The following FNDC3A variants were observed in gnomAD, a reference collection of about 807,000 sequenced individuals.
The protein encoded by FNDC3A is fibronectin type-III domain-containing protein 3A.
FNDC3A carries 32 observed loss-of-function variants against 148.9 expected under a neutral mutation model. The observed-to-expected ratio is 0.21, with a 90% CI of 0.16 to 0.29. The LOEUF is 0.29. Ranked by LOEUF, FNDC3A falls within the 10% of genes least tolerant of loss-of-function variation. FNDC3A has a pLI of 1.00. For missense variants in FNDC3A, 1,191 were observed against 1,452.8 expected, an observed-to-expected ratio of 0.82 and a Z score of 2.93; for synonymous variants, 472 against 473.6, an observed-to-expected ratio of 1.00 and a Z score of 0.04.
chr13:49,180,116 C>A (rs1885230123), intron 14 of FNDC3A, among the ~76,000 whole-genome samples: 1 of 152,136 alleles, frequency 6.6e-6, no homozygotes, highest in Non-Finnish European at 1.5e-5. Context: ...ACACCAGATA[C>A]CTTCAATTCT....
At chr13:49,161,107 G>T (rs1219291464) in intron 8 of FNDC3A, among the ~76,000 whole-genome samples, 2 of 152,208 alleles carry the variant, frequency 1.3e-5, no homozygotes, top group African/African-American at 4.8e-5. Context: ...TTGATTTGGG[G>T]TGGAGAGTTC....
At chr13:49,141,247 G>A (rs1411909663) in intron 7 of FNDC3A, among the ~76,000 whole-genome samples, 1 of 152,176 alleles carries the variant, frequency 6.6e-6, no homozygotes, top group Non-Finnish European at 1.5e-5. Context: ...TATTGAAAGT[G>A]TTGTCTTTTC....
intron 15 of FNDC3A, 84 bp from the exon 16 acceptor site, chr13:49,187,038 T>G: frequency 4.3e-6 from 4 of 939,808 alleles, no homozygotes; most frequent in Non-Finnish European, 4.9e-6. Flanking sequence ...TTAAACCTAG[T>G]TTGGTATTCT....
At chr13:49,121,271 GA>G (rs1450652201) in intron 4 of FNDC3A, among the ~76,000 whole-genome samples, 2 of 152,192 alleles carry the variant, frequency 1.3e-5, no homozygotes, top group Non-Finnish European at 2.9e-5. Context: ...AATGAAGGCA[GA>G]AATAAAGATG....
chr13:49,054,878 AT>A (rs1187685206), intron 2 of FNDC3A, among the ~76,000 whole-genome samples: 2 of 149,480 alleles, frequency 1.3e-5, no homozygotes, highest in Non-Finnish European at 3.0e-5. Flanking sequence ...TTCTAACTTT[AT>A]TTTTTTTTCT....
At chr13:49,134,367 A>G (rs900475766) in intron 5 of FNDC3A, among the ~76,000 whole-genome samples, 2 of 152,182 alleles carry the variant, frequency 1.3e-5, no homozygotes, top group East Asian at 3.8e-4. Context: ...GTTCTCACAT[A>G]TAATAGTACT....
intron 1 of FNDC3A, among the ~76,000 whole-genome samples, chr13:48,995,751 A>G (rs1427096416): frequency 6.6e-6 from 1 of 152,196 alleles, no homozygotes; most frequent in Admixed American, 6.5e-5. Flanking sequence ...TAGTTTTGGC[A>G]AAAATATAAA....
At chr13:49,154,180 C>A (rs1883504188) in intron 8 of FNDC3A, among the ~76,000 whole-genome samples, 1 of 149,810 alleles carries the variant, frequency 6.7e-6, no homozygotes, top group African/African-American at 2.5e-5. Flanking sequence ...TTGTTTGTAT[C>A]CTCTTTTATC....
intron 2 of FNDC3A, among the ~76,000 whole-genome samples, chr13:49,071,276 A>G (rs1162803103): frequency 6.6e-6 from 1 of 152,048 alleles, no homozygotes; most frequent in Non-Finnish European, 1.5e-5. Flanking sequence ...CCATTCATCC[A>G]TTGATGGACA....
Position 49,196,979 on chromosome 13 carries a change from G to A in FNDC3A, c.2329G>A (p.Val777Met), listed in dbSNP as rs1373021825. Reference protein sequence around the residue: ...VTCRSATCAQVNWEVPLSNGT... With the variant: ...VTCRSATCAQMNWEVPLSNGT... ...ATGTAGATCTGCAACTTGTGCACAA[G>A]TGAATTGGGAGGTATTGTAATTTCC... The change falls in exon 20 of 26, where the codon GTG becomes ATG. Residue 777 changes from valine (V) to methionine (M), a missense_variant. Coordinates refer to ENST00000492622, the MANE Select transcript of FNDC3A (RefSeq NM_001079673.2). 6 of 1,601,628 alleles carry A rather than the reference G, an allele frequency of 3.7e-6. No individual in the cohort carries two copies. Among genetic ancestry groups the A allele is most frequent in the Non-Finnish European group, 5.1e-6 (6 of 1,170,776 alleles).
chr13:49,202,087 A>G, intron 24 of FNDC3A, 121 bp downstream of exon 24: 1 of 584,320 alleles, frequency 1.7e-6, no homozygotes, highest in South Asian at 3.9e-5. Context: ...CAGTTATACA[A>G]AATCGTATAG....
intron 2 of FNDC3A, among the ~76,000 whole-genome samples, chr13:49,070,016 A>G (rs1877538984): frequency 1.3e-5 from 2 of 152,242 alleles, no homozygotes; most frequent in South Asian, 4.1e-4. Context: ...TAAGCAATTA[A>G]GTTATATAAA....
intron 8 of FNDC3A, among the ~76,000 whole-genome samples, chr13:49,159,638 A>G (rs1443788083): frequency 6.6e-6 from 1 of 152,218 alleles, no homozygotes; most frequent in Non-Finnish European, 1.5e-5. Flanking sequence ...TGCCCTGGCC[A>G]GAACTTCCAA....
At chr13:49,040,877 A>G (rs1186842114) in intron 2 of FNDC3A, among the ~76,000 whole-genome samples, 1 of 152,206 alleles carries the variant, frequency 6.6e-6, no homozygotes, top group East Asian at 1.9e-4. Flanking sequence ...CATTTCATTT[A>G]TGATTATTCT....
intron 3 of FNDC3A, among the ~76,000 whole-genome samples, chr13:49,098,339 A>G (rs1430762721): frequency 6.6e-6 from 1 of 152,046 alleles, no homozygotes; most frequent in Non-Finnish European, 1.5e-5. Flanking sequence ...ACTGATCCAT[A>G]TCACTGCCGT....
chr13:49,095,983 C>T (rs1347068398), intron 3 of FNDC3A, among the ~76,000 whole-genome samples: 1 of 152,006 alleles, frequency 6.6e-6, no homozygotes, highest in Non-Finnish European at 1.5e-5. Flanking sequence ...TTAGACACTA[C>T]CTAGATATAT....
intron 11 of FNDC3A, 44 bp from the exon 12 acceptor site, chr13:49,174,391 T>A (rs1312246198): frequency 2.0e-6 from 3 of 1,509,832 alleles, no homozygotes. Context: ...TTTATCTTTT[T>A]ACAGTAATGT....
At chr13:49,032,848 ACT>A (rs1279631227) in intron 2 of FNDC3A, among the ~76,000 whole-genome samples, 2 of 152,160 alleles carry the variant, frequency 1.3e-5, no homozygotes, top group Non-Finnish European at 1.5e-5. Flanking sequence ...TGAAATTATA[ACT>A]CTTTACAGGG....
chr13:49,142,947 A>C (rs1882773150), intron 7 of FNDC3A, among the ~76,000 whole-genome samples: 1 of 152,148 alleles, frequency 6.6e-6, no homozygotes, highest in Admixed American at 6.5e-5. Context: ...AGCTTGCTGC[A>C]ACCTCTGCCT....
Sources: gnomAD v4.1 joint callset for allele counts (sites outside exome capture counted in the v4.1 genomes callset) on GRCh38, gnomAD v4.1.1 for gene constraint, MANE v1.5 for transcripts, NCBI Gene and HGNC (gene_info 2026-07-23, HGNC 2026-07-21) for gene names.